FKBP6: variants seen among roughly 807,000 people sequenced by gnomAD.
The protein encoded by FKBP6 is FKBP prolyl isomerase family member 6 (inactive), also known as inactive peptidyl-prolyl cis-trans isomerase FKBP6.
Under a neutral mutation model 41.7 loss-of-function variants are expected in FKBP6, and 29 were observed. That is an observed-to-expected ratio of 0.70 (90% CI 0.52 to 0.95). The LOEUF (loss-of-function observed/expected upper bound fraction) is 0.95, where lower values mean the gene tolerates loss of function less well. Among genes scored for constraint, FKBP6 ranks in the 40% least tolerant of loss-of-function variants. FKBP6 has a pLI of 0.00. For synonymous variants in FKBP6, 130 were observed against 165.1 expected (o/e 0.79, Z 1.63); for missense variants, 338 against 408.7 (o/e 0.83, Z 1.49).
At chr7:73,352,254 G>A (rs1055409153) in intron 8 of FKBP6, among the ~76,000 whole-genome samples, 83 of 152,260 alleles carry the variant, frequency 5.5e-4, no homozygotes, top group African/African-American at 2.0e-3. Context: ...ATGAGCCACC[G>A]CGCCCAGCCA....
At chr7:73,353,256 T>C (rs1805538890) in intron 8 of FKBP6, among the ~76,000 whole-genome samples, 1 of 152,200 alleles carries the variant, frequency 6.6e-6, no homozygotes, top group African/African-American at 2.4e-5. Flanking sequence ...CTCAAGATCC[T>C]TCATTTAACC....
intron 8 of FKBP6, among the ~76,000 whole-genome samples, chr7:73,347,176 A>C (rs1440783242): frequency 1.3e-5 from 2 of 152,110 alleles, no homozygotes; most frequent in Non-Finnish European, 2.9e-5. Flanking sequence ...TAGCATTTAT[A>C]CTGTTTTCTT....
Position 73,328,265 on chromosome 7 carries a change from A to T in FKBP6, c.-164A>T, listed in dbSNP as rs1804696561. Reference sequence around the variant, plus strand: ...GCCAGGGCCGTTGGCGGCGGTTGGAACGAAACGATGAGTGCCTCCTCGTGG... The same window carrying T: ...GCCAGGGCCGTTGGCGGCGGTTGGATCGAAACGATGAGTGCCTCCTCGTGG... On this transcript the variant is annotated 5_prime_UTR_variant, in exon 1 of 9. Coordinates refer to ENST00000252037, the MANE Select transcript of FKBP6 (RefSeq NM_003602.5). 3.2e-6 allele frequency: 5 copies of T among 1,549,166 alleles called. No homozygotes were observed. The highest frequency in any genetic ancestry group is 4.4e-6 in the Non-Finnish European group (5 of 1,146,674).
At chr7:73,339,067 CT>C (rs1805092213) in intron 5 of FKBP6, 1 of 152,206 alleles carries the variant, frequency 6.6e-6, no homozygotes, top group Non-Finnish European at 1.5e-5. Context: ...CCTATTTGTA[CT>C]TCTAAAGTCT....
In FKBP6 at chr7:73,330,352, T is replaced by A; in HGVS notation, c.468T>A (p.Ala156=). The change falls in exon 4 of 9, where the codon GCT becomes GCA. Residue 156 remains alanine, a splice_region_variant and synonymous_variant. Coordinates refer to ENST00000252037, the MANE Select transcript of FKBP6 (RefSeq NM_003602.5). The part of the protein sequence containing the change: ...AESDKFCALS[A]EQQDQFPLQK... ...CAGACAAGTTTTGTGCTCTCTCAGC[T>A]GTAAGTTCCAGAGCACAGATGTCAG... 6.2e-7 allele frequency: 1 copy of A among 1,610,664 alleles called. No individual in the cohort carries two copies. The highest frequency in any genetic ancestry group is 8.5e-7 in the Non-Finnish European group (1 of 1,176,832).
Position 73,330,353 on chromosome 7 carries a change from G to GT in FKBP6, c.468+2dup, listed in dbSNP as rs781987690. The GT allele has an allele frequency of 3.1e-6, 5 of 1,609,050 alleles. No individual in the cohort carries two copies. Among genetic ancestry groups the GT allele is most frequent in the Non-Finnish European group, 4.3e-6 (5 of 1,175,362 alleles). ...AGACAAGTTTTGTGCTCTCTCAGCT[G>GT]TAAGTTCCAGAGCACAGATGTCAGC... On this transcript the variant is annotated splice_donor_variant, in intron 4 of 8. Transcript: ENST00000252037. LOFTEE classifies it high-confidence loss of function.
chr7:73,352,656 G>A (rs534697857), intron 8 of FKBP6, among the ~76,000 whole-genome samples: 2 of 152,302 alleles, frequency 1.3e-5, no homozygotes, highest in South Asian at 4.1e-4. Flanking sequence ...AAGCTGAGAT[G>A]AACTGGGGTG....
chr7:73,356,065 CAAAAAAAA>C (rs71925165), intron 8 of FKBP6, among the ~76,000 whole-genome samples: 111 of 32,200 alleles, frequency 3.4e-3, no homozygotes, highest in African/African-American at 9.2e-3. Flanking sequence ...GACTCTGTCT[CAAAAAAAA>C]AAAAAAAAAA....
At chr7:73,350,591 T>C (rs1181854984) in intron 8 of FKBP6, among the ~76,000 whole-genome samples, 2 of 152,134 alleles carry the variant, frequency 1.3e-5, no homozygotes, top group Non-Finnish European at 2.9e-5. Context: ...CTGTAGAGTA[T>C]TGAGCCCTGC....
At chr7:73,338,442 C>T (rs191054668) in intron 5 of FKBP6, among the ~76,000 whole-genome samples, 1 of 152,204 alleles carries the variant, frequency 6.6e-6, no homozygotes, top group East Asian at 1.9e-4. Context: ...ATGCAGTGAG[C>T]GTTTATGTAC....
chr7:73,353,701 C>T lies in FKBP6; in HGVS notation c.*3-4480C>T, dbSNP rs143327909. Among the ~76,000 whole-genome samples the T allele has an allele frequency of 4.0e-3, 604 of 152,122 alleles. 4 individuals are homozygous for T. The highest frequency in any genetic ancestry group is 0.014 in the African/African-American group (567 of 41,522). ...GTGCTGAATTTATTTCTCTGATTTACATTTTGGTAATTATCACAGTATTTC... is the reference window on the plus strand; with the variant it reads ...GTGCTGAATTTATTTCTCTGATTTATATTTTGGTAATTATCACAGTATTTC... On this transcript the variant is annotated intron_variant, in intron 8 of 8. Transcript: ENST00000252037.
In FKBP6 at chr7:73,330,225, C is replaced by T. The variant is rs199914353; in HGVS notation, c.341C>T (p.Pro114Leu). ...RGELARFLFK[P>L]NYAYGTLGCP... is the part of the protein sequence containing the mutation. ...GAGCTGGCCAGGTTTCTGTTCAAAC[C>T]GAACTACGCCTATGGAACGCTGGGC... is the stretch of plus-strand genomic sequence containing the variant. The change falls in exon 4 of 9, where the codon CCG becomes CTG. Residue 114 changes from proline to leucine, a missense_variant. Coordinates refer to ENST00000252037, the MANE Select transcript of FKBP6 (RefSeq NM_003602.5). 5.0e-6 allele frequency: 8 copies of T among 1,613,926 alleles called. No individual in the cohort carries two copies. In the African/African-American group the frequency reaches 5.3e-5, roughly 11 times the overall value.
intron 8 of FKBP6, among the ~76,000 whole-genome samples, chr7:73,347,532 TA>T (rs1554550445): frequency 6.6e-6 from 1 of 152,262 alleles, no homozygotes; most frequent in Admixed American, 6.5e-5. Flanking sequence ...TGCTATAATA[TA>T]ACTCTTTCTT....
chr7:73,352,113 G>A (rs1325680140), intron 8 of FKBP6, among the ~76,000 whole-genome samples: 3 of 152,186 alleles, frequency 2.0e-5, no homozygotes, highest in African/African-American at 7.2e-5. Context: ...CTACAAGTGT[G>A]TGCCAGCATG....
intron 5 of FKBP6, among the ~76,000 whole-genome samples, chr7:73,334,765 T>C (rs1804951912): frequency 6.6e-6 from 1 of 152,208 alleles, no homozygotes; most frequent in African/African-American, 2.4e-5. Flanking sequence ...TTTTTCTACA[T>C]ATTGGGGACT....
At position 73,340,564 on chromosome 7, in the gene FKBP6, T is replaced by C. The variant is rs1805142112; in HGVS notation, c.589-74T>C. On this transcript the variant is annotated intron_variant, in intron 5 of 8. Coordinates refer to ENST00000252037, the MANE Select transcript of FKBP6 (RefSeq NM_003602.5). ...AGCCGATTTTTAGCTCTGATAGTTTTTGCGTGTGGATTCTTTAGGGTTTTG... is the reference window on the plus strand; with the variant it reads ...AGCCGATTTTTAGCTCTGATAGTTTCTGCGTGTGGATTCTTTAGGGTTTTG... 4 of 1,250,604 alleles carry C rather than the reference T, an allele frequency of 3.2e-6. No individual in the cohort carries two copies. In the East Asian group the frequency reaches 9.3e-5, roughly 29 times the overall value. The allele number at this position is 1,250,604 out of a possible 1,614,324, so 77.5% of individuals were successfully genotyped here. A position where few individuals can be genotyped will look rare whatever the true frequency, so the allele number is the denominator to read the frequency against.
At chr7:73,349,546 C>CAAAAAA (rs1175280907) in intron 8 of FKBP6, among the ~76,000 whole-genome samples, 1 of 48,686 alleles carries the variant, frequency 2.1e-5, no homozygotes, top group African/African-American at 7.2e-5. Context: ...TACTAAAATA[C>CAAAAAA]AAAAAAAAAA....
At position 73,343,072 on chromosome 7, in the gene FKBP6, AC is replaced by A. The variant is rs1805239348; in HGVS notation, c.*2+175del. ...TGCAGGATGCACGTGCTGCACGCCT[AC>A]CTTTCCCGTGAGAAGAAAGTTCGCC... On this transcript the variant is annotated intron_variant, in intron 8 of 8. Transcript: ENST00000252037. Among the ~76,000 whole-genome samples the A allele has an allele frequency of 3.9e-5, 6 of 152,376 alleles. No individual in the cohort carries two copies. The South Asian group carries it at 1.2e-3, about 32-fold the overall frequency.
chr7:73,334,471 C>T (rs1173731845), intron 5 of FKBP6, among the ~76,000 whole-genome samples: 2 of 147,740 alleles, frequency 1.4e-5, no homozygotes, highest in African/African-American at 5.0e-5. Flanking sequence ...TTTGCCACCT[C>T]TTCTGATGAA....
Sources: gnomAD v4.1 joint callset for allele counts (sites outside exome capture counted in the v4.1 genomes callset) on GRCh38, gnomAD v4.1.1 for gene constraint, MANE v1.5 for transcripts, NCBI Gene and HGNC (gene_info 2026-07-23, HGNC 2026-07-21) for gene names.